HOXA10: variants seen among roughly 807,000 people sequenced by gnomAD.
HOXA10 encodes homeobox A10.
HOXA10 carries 12 observed loss-of-function variants against 29.7 expected under a neutral mutation model. That is an observed-to-expected ratio of 0.40 (90% confidence interval 0.26 to 0.65). HOXA10 has a LOEUF of 0.65. Ranked by LOEUF, HOXA10 falls within the 30% of genes least tolerant of loss-of-function variation. The probability of loss-of-function intolerance (pLI) is 0.37; values close to 1 mark genes in which losing one functional copy is unlikely to be tolerated. For synonymous variants in HOXA10, 327 were observed against 280.7 expected (o/e 1.16, Z -1.65); for missense variants, 656 against 585.9 (o/e 1.12, Z -1.24).
Position 27,171,159 on chromosome 7 carries a change from T to C in HOXA10, c.*740A>G, listed in dbSNP as rs1783470095. ...TGGAAATTTAGAGGTAAATGAAACA[T>C]TTTAGTCAGGCAATGTAAGACCTTA... is the stretch of plus-strand genomic sequence containing the variant. On this transcript the variant is annotated 3_prime_UTR_variant, in exon 2 of 2. Coordinates refer to ENST00000283921, the MANE Select transcript of HOXA10 (RefSeq NM_018951.4). 2.2e-6 allele frequency: 1 copy of C among 453,500 alleles called. No individual in the cohort carries two copies. Among genetic ancestry groups the C allele is most frequent in the Non-Finnish European group, 4.4e-6 (1 of 226,618 alleles). The allele number at this position is 453,500 out of a possible 1,614,324, so 28.1% of individuals were successfully genotyped here.
At position 27,174,142 on chromosome 7, in the gene HOXA10, G is replaced by GCCA. The variant is rs1463207750; in HGVS notation, c.162_164dup (p.Gly56dup). The GCCA allele has an allele frequency of 1.9e-6, 3 of 1,594,642 alleles. No individual in the cohort carries two copies. Among genetic ancestry groups the GCCA allele is most frequent in the Non-Finnish European group, 2.5e-6 (3 of 1,178,418 alleles). Reference sequence around the variant, plus strand: ...AGACCCCGCCGTGGGCGTAGTAACCGCCACCGCCGCCGCCCCCCGCGCCAC... The same window carrying GCCA: ...AGACCCCGCCGTGGGCGTAGTAACCGCCACCACCGCCGCCGCCCCCCGCGCCAC... On this transcript the variant is annotated inframe_insertion, in exon 1 of 2. Coordinates refer to ENST00000283921, the MANE Select transcript of HOXA10 (RefSeq NM_018951.4).
rs1363216752 is a variant in HOXA10, at chr7:27,171,643, A to T, written c.*256T>A. 1.6e-6 allele frequency: 1 copy of T among 637,574 alleles called. No individual in the cohort carries two copies. The highest frequency in any genetic ancestry group is 1.8e-5 in the African/African-American group (1 of 56,034). 39.5% of individuals were successfully genotyped at this position (637,574 alleles called of 1,614,324 possible). A position where few individuals can be genotyped will look rare whatever the true frequency, so the allele number is the denominator to read the frequency against. ...GTCAGGACTTGACACTTAGGACAAT[A>T]TCTATCTCTATAGAATTTTAGCATG... On this transcript the variant is annotated 3_prime_UTR_variant, in exon 2 of 2. Coordinates refer to ENST00000283921, the MANE Select transcript of HOXA10 (RefSeq NM_018951.4).
chr7:27,177,534 T>G (rs964861192), upstream of HOXA10, among the ~76,000 whole-genome samples: 1 of 152,146 alleles, frequency 6.6e-6, no homozygotes, highest in Non-Finnish European at 1.5e-5. Flanking sequence ...TCCTTGGCCC[T>G]CTCAGTTGGT....
Position 27,172,148 on chromosome 7 carries a change from G to C in HOXA10, c.984C>G (p.Ala328=). ...SLGNSKGENA[A]NWLTAKSGRK... Reference sequence around the variant, plus strand: ...GACCACTCTTTGCCGTGAGCCAGTTGGCTGCGTTTTCACCTTTGGAATTGC... The same window carrying C: ...GACCACTCTTTGCCGTGAGCCAGTTCGCTGCGTTTTCACCTTTGGAATTGC... Residue 328 remains alanine, a synonymous_variant, in exon 2 of 2, where the codon GCC becomes GCG. Coordinates refer to ENST00000283921, the MANE Select transcript of HOXA10 (RefSeq NM_018951.4). 1 of 1,613,952 alleles carries C rather than the reference G, an allele frequency of 6.2e-7. No homozygotes were observed.
In HOXA10 at chr7:27,171,090, A is replaced by C. The variant is rs915956841; in HGVS notation, c.*809T>G. 2.2e-6 allele frequency: 1 copy of C among 448,986 alleles called. No individual in the cohort carries two copies. The highest frequency in any genetic ancestry group is 4.4e-6 in the Non-Finnish European group (1 of 225,442). The allele number at this position is 448,986 out of a possible 1,614,324, so 27.8% of individuals were successfully genotyped here. ...TGACAAAAAAATCCACTAATTCCAA[A>C]TGCATAAACAAAACTACATTATTTA... On this transcript the variant is annotated 3_prime_UTR_variant, in exon 2 of 2. Coordinates refer to ENST00000283921, the MANE Select transcript of HOXA10 (RefSeq NM_018951.4).
At position 27,173,715 on chromosome 7, in the gene HOXA10, C is replaced by T. The variant is rs777710939; in HGVS notation, c.592G>A (p.Asp198Asn). 2.2e-5 allele frequency: 34 copies of T among 1,579,910 alleles called. No homozygotes were observed. Among genetic ancestry groups the T allele is most frequent in the African/African-American group, 2.7e-5 (2 of 73,970 alleles). Residue 198 changes from aspartate (D) to asparagine (N), a missense_variant, in exon 1 of 2, where the codon GAC becomes AAC. Around this residue, in one of 2 missense-constraint regions of HOXA10, gnomAD observed 594 missense variants for 491.9 expected, o/e 1.21. Transcript: ENST00000283921. ...CTGGAGGTGCCCAGGGCGCAGCCGT[C>T]GGGCGGCGGGCCCCGCGGGAAGGGA... ...LAPFPRGPPPDGCALGTSSGV... is the reference protein window; with the variant it reads ...LAPFPRGPPPNGCALGTSSGV...
chr7:27,172,847 GC>G (rs1783536050), intron 1 of HOXA10: 1 of 162,968 alleles, frequency 6.1e-6, no homozygotes, highest in African/African-American at 2.4e-5. Context: ...GAAGATTCCC[GC>G]CCCTCAGCAA....
rs1335403604 is a variant in HOXA10, at chr7:27,173,899, C to T, written c.408G>A (p.Pro136=). The T allele has an allele frequency of 6.6e-6, 10 of 1,517,994 alleles. No homozygotes were observed. Among genetic ancestry groups the T allele is most frequent in the Non-Finnish European group, 8.8e-6 (10 of 1,133,850 alleles). 94.0% of individuals were successfully genotyped at this position (1,517,994 alleles called of 1,614,324 possible). A position where few individuals can be genotyped will look rare whatever the true frequency, so the allele number is the denominator to read the frequency against. Residue 136 remains proline (P), a synonymous_variant, in exon 1 of 2, where the codon CCG becomes CCA. Transcript: ENST00000283921. Reference sequence around the variant, plus strand: ...GCGGGGGCGGCGGCTGCTGCTGGGGCGGCGGCGGCGGCCCGTCAGGCGGCT... The same window carrying T: ...GCGGGGGCGGCGGCTGCTGCTGGGGTGGCGGCGGCGGCCCGTCAGGCGGCT... The part of the protein sequence containing the change: ...RMEPPDGPPP[P]PQQQPPPPPQ...
chr7:27,170,894 C>T lies in HOXA10; in HGVS notation c.*1005G>A, dbSNP rs1783458526. Reference sequence around the variant, plus strand: ...TAAAGGAAATCCAAACAATGTCTCCCTTCTCTAGTTTATTCCGCTTACCCC... The same window carrying T: ...TAAAGGAAATCCAAACAATGTCTCCTTTCTCTAGTTTATTCCGCTTACCCC... On this transcript the variant is annotated 3_prime_UTR_variant, in exon 2 of 2. Transcript: ENST00000283921. The T allele has an allele frequency of 6.6e-6, 3 of 454,306 alleles. No homozygotes were observed. The allele number at this position is 454,306 out of a possible 1,614,324, so 28.1% of individuals were successfully genotyped here. A position where few individuals can be genotyped will look rare whatever the true frequency, so the allele number is the denominator to read the frequency against.
In HOXA10 at chr7:27,173,454, C is replaced by G; in HGVS notation, c.853G>C (p.Gly285Arg). ...PPTLACGSGGGSQGDEEAHAS... is the reference protein window; with the variant it reads ...PPTLACGSGGRSQGDEEAHAS... ...TGCGCCTCCTCGTCGCCCTGCGAGC[C>G]CCCGCCGCTGCCGCAAGCCAGCGTG... The change falls in exon 1 of 2, where the codon GGC becomes CGC. Residue 285 changes from glycine (G) to arginine (R), a missense_variant. Around this residue, in one of 2 missense-constraint regions of HOXA10, gnomAD observed 594 missense variants for 491.9 expected, o/e 1.21. Transcript: ENST00000283921. 6.3e-7 allele frequency: 1 copy of G among 1,579,090 alleles called. No homozygotes were observed. Among genetic ancestry groups the G allele is most frequent in the Non-Finnish European group, 8.6e-7 (1 of 1,166,698 alleles).
At chr7:27,174,776 C>G (rs752981988), upstream of HOXA10, 4 of 163,618 alleles carry the variant, frequency 2.4e-5, no homozygotes, top group Non-Finnish European at 5.3e-5. Flanking sequence ...GGGACTCACG[C>G]GCTTCCCATT....
intron 1 of HOXA10, 188 bp from the exon 2 acceptor site, chr7:27,172,361 C>T (rs1783520360): frequency 1.6e-6 from 1 of 627,822 alleles, no homozygotes; most frequent in Admixed American, 2.7e-5. Flanking sequence ...ATTGAGTGGG[C>T]CTTCAATCTA....
At chr7:27,177,258 T>C (rs1414117903), upstream of HOXA10, among the ~76,000 whole-genome samples, 1 of 152,228 alleles carries the variant, frequency 6.6e-6, no homozygotes, top group Non-Finnish European at 1.5e-5. Context: ...GTGAGCCAGA[T>C]GTGTTTCTTT....
chr7:27,170,932 C>T lies in HOXA10; in HGVS notation c.*967G>A, dbSNP rs1484377503. 2.2e-6 allele frequency: 1 copy of T among 453,924 alleles called. No homozygotes were observed. Among genetic ancestry groups the T allele is most frequent in the African/African-American group, 2.0e-5 (1 of 50,008 alleles). 28.1% of individuals were successfully genotyped at this position (453,924 alleles called of 1,614,324 possible). A position where few individuals can be genotyped will look rare whatever the true frequency, so the allele number is the denominator to read the frequency against. The stretch of plus-strand genomic sequence containing the variant: ...TTCCGCTTACCCCAGTCCTCCTAGG[C>T]TTCTGTGAATTTCAGAAAGCAAAAA... On this transcript the variant is annotated 3_prime_UTR_variant, in exon 2 of 2. Coordinates refer to ENST00000283921, the MANE Select transcript of HOXA10 (RefSeq NM_018951.4).
intron 1 of HOXA10, chr7:27,179,538 G>A: frequency 1.4e-6 from 1 of 718,440 alleles, no homozygotes; most frequent in Admixed American, 2.0e-5. Flanking sequence ...GCTCCCTACC[G>A]CGTCACCCCA....
chr7:27,171,547 C>A lies in HOXA10; in HGVS notation c.*352G>T. On this transcript the variant is annotated 3_prime_UTR_variant, in exon 2 of 2. Transcript: ENST00000283921. ...CCGGCTAGGTTTGCCCCAGGCTGGG[C>A]AGGAAACCAGCTCGGCCGAAGACAG... 1 of 479,914 alleles carries A rather than the reference C, an allele frequency of 2.1e-6. No individual in the cohort carries two copies. Among genetic ancestry groups the A allele is most frequent in the Non-Finnish European group, 4.1e-6 (1 of 244,056 alleles). The allele number at this position is 479,914 out of a possible 1,614,324, so 29.7% of individuals were successfully genotyped here.
At chr7:27,177,222 C>T (rs971544598), upstream of HOXA10, among the ~76,000 whole-genome samples, 2 of 152,244 alleles carry the variant, frequency 1.3e-5, no homozygotes, top group Admixed American at 1.3e-4. Flanking sequence ...GGCGTTGGCA[C>T]TTGGGTCTTC....
Position 27,173,681 on chromosome 7 carries a change from G to A in HOXA10, c.626C>T (p.Pro209Leu). Residue 209 changes from proline to leucine, a missense_variant, in exon 1 of 2, where the codon CCA becomes CTA. Pro to Leu is a moderately conservative substitution (Grantham distance 98, BLOSUM62 -3). Transcript: ENST00000283921. ...AGAAAGGCGGAAGTAGCCAGGCACT[G>A]GCACCCCGCTGGAGGTGCCCAGGGC... Reference protein sequence around the residue: ...GCALGTSSGVPVPGYFRLSQA... With the variant: ...GCALGTSSGVLVPGYFRLSQA... 6.4e-7 allele frequency: 1 copy of A among 1,557,666 alleles called. No individual in the cohort carries two copies. Among genetic ancestry groups the A allele is most frequent in the Middle Eastern group, 1.7e-4 (1 of 5,768 alleles).
rs1290334722 is a variant in HOXA10, at chr7:27,173,377, G to C, written c.930C>G (p.Ser310Arg). 2.5e-6 allele frequency: 4 copies of C among 1,611,954 alleles called. No individual in the cohort carries two copies. The East Asian group carries it at 6.7e-5, about 27-fold the overall frequency. The change falls in exon 1 of 2, where the codon AGC becomes AGG. Residue 310 changes from serine (S) to arginine (R), a missense_variant. Physicochemically the swap from Ser to Arg is moderately radical, Grantham distance 110. Coordinates refer to ENST00000283921, the MANE Select transcript of HOXA10 (RefSeq NM_018951.4). ...GGGAATCCTTCTCCGGCGAGGCTTT[G>C]CTGCTCTCGGAAGGGGCCGGGGAGA... is the stretch of plus-strand genomic sequence containing the variant. ...EELSPAPSES[S>R]KASPEKDSLG...
Sources: allele counts gnomAD v4.1 joint callset (sites outside exome capture counted in the v4.1 genomes callset), GRCh38; gene constraint gnomAD v4.1.1; regional missense constraint gnomAD v4.1.1; transcripts MANE v1.5; gene names NCBI Gene and HGNC (gene_info 2026-07-23, HGNC 2026-07-21).